Variants in CNTNAP5 observed in about 807,000 individuals in gnomAD.
CNTNAP5 encodes the protein contactin associated protein family member 5, also known as contactin-associated protein-like 5.
CNTNAP5 carries 72 observed loss-of-function variants against 150.2 expected under a neutral mutation model. The observed-to-expected ratio is 0.48, with a 90% confidence interval of 0.40 to 0.58. The LOEUF (loss-of-function observed/expected upper bound fraction) is 0.58, where lower values mean the gene tolerates loss of function less well. Ranked by LOEUF, CNTNAP5 falls within the 20% of genes least tolerant of loss-of-function variation. The pLI, the probability that CNTNAP5 is intolerant of heterozygous loss-of-function variation, is 0.00. For missense variants in CNTNAP5, 1,636 were observed against 1,626.2 expected, an observed-to-expected ratio of 1.01 and a Z score of -0.10; for synonymous variants, 672 against 619.8, an observed-to-expected ratio of 1.08 and a Z score of -1.25.
At chr2:124,499,589 T>C (rs1367456463) in intron 7 of CNTNAP5, among the ~76,000 whole-genome samples, 1 of 152,210 alleles carries the variant, frequency 6.6e-6, no homozygotes, top group Non-Finnish European at 1.5e-5. Context: ...AGGGACACAA[T>C]CCAAGGGAGG....
At chr2:124,302,131 A>G (rs1375794582) in intron 3 of CNTNAP5, among the ~76,000 whole-genome samples, 1 of 152,166 alleles carries the variant, frequency 6.6e-6, no homozygotes, top group Non-Finnish European at 1.5e-5. Flanking sequence ...AACAGCTAGA[A>G]CTTTGATCTG....
chr2:124,892,917 A>G (rs1678228703), intron 21 of CNTNAP5, among the ~76,000 whole-genome samples: 2 of 152,136 alleles, frequency 1.3e-5, no homozygotes, highest in Admixed American at 6.6e-5. Flanking sequence ...GTAAGCGATC[A>G]TCACGCATTA....
At chr2:124,033,233 TAGAA>T (rs1681113113) in intron 1 of CNTNAP5, among the ~76,000 whole-genome samples, 1 of 152,316 alleles carries the variant, frequency 6.6e-6, no homozygotes, top group East Asian at 1.9e-4. Flanking sequence ...ATGTTGAAGA[TAGAA>T]AGAAAGTGAA....
At position 124,874,514 on chromosome 2, in the gene CNTNAP5, T is replaced by C. The variant is rs367622375; in HGVS notation, c.3436+4752T>C. ...CTTCTGAAAGAAACTCTGCCTTTTT[T>C]GTTTTTAATTTATTTTTTTTCTGGT... On this transcript the variant is annotated intron_variant, in intron 21 of 23. Coordinates refer to ENST00000682447, the MANE Select transcript of CNTNAP5 (RefSeq NM_001367498.1). Among the ~76,000 whole-genome samples, 43 of 152,236 alleles carry C rather than the reference T, an allele frequency of 2.8e-4. 1 individual carries two copies. Among genetic ancestry groups the C allele is most frequent in the Middle Eastern group, 3.4e-3 (1 of 294 alleles).
At chr2:124,102,992 T>C (rs2104698331) in intron 1 of CNTNAP5, among the ~76,000 whole-genome samples, 1 of 152,268 alleles carries the variant, frequency 6.6e-6, no homozygotes, top group Non-Finnish European at 1.5e-5. Context: ...CATCACAACA[T>C]TACAGCGAAT....
chr2:124,425,563 G>C (rs1331218984), intron 4 of CNTNAP5, among the ~76,000 whole-genome samples: 1 of 152,112 alleles, frequency 6.6e-6, no homozygotes, highest in African/African-American at 2.4e-5. Flanking sequence ...TTAGTGGAGT[G>C]ATCACTATCT....
intron 1 of CNTNAP5, among the ~76,000 whole-genome samples, chr2:124,109,359 G>T (rs937881481): frequency 2.0e-5 from 3 of 152,032 alleles, no homozygotes; most frequent in Non-Finnish European, 2.9e-5. Flanking sequence ...CGAGGCCCAG[G>T]CACACACACA....
At chr2:124,814,805 T>C (rs1366594787) in intron 19 of CNTNAP5, among the ~76,000 whole-genome samples, 2 of 152,146 alleles carry the variant, frequency 1.3e-5, no homozygotes, top group African/African-American at 4.8e-5. Flanking sequence ...TATTTCTAAT[T>C]TTGATAGATA....
At chr2:124,623,219 A>G (rs1479878661) in intron 12 of CNTNAP5, among the ~76,000 whole-genome samples, 1 of 152,164 alleles carries the variant, frequency 6.6e-6, no homozygotes, top group Non-Finnish European at 1.5e-5. Context: ...TTATAATCTC[A>G]TGTCCTTGTG....
intron 22 of CNTNAP5, among the ~76,000 whole-genome samples, chr2:124,909,957 C>T (rs1387683292): frequency 2.0e-5 from 3 of 150,700 alleles, no homozygotes; most frequent in African/African-American, 7.3e-5. Flanking sequence ...CCACCAGACC[C>T]ACCTTATCAA....
At chr2:124,354,364 A>G (rs1689947871) in intron 3 of CNTNAP5, among the ~76,000 whole-genome samples, 1 of 152,188 alleles carries the variant, frequency 6.6e-6, no homozygotes, top group Admixed American at 6.5e-5. Context: ...ATCTCCAAAA[A>G]CAACGAAAAA....
chr2:124,644,346 A>T (rs911335822), intron 12 of CNTNAP5, among the ~76,000 whole-genome samples: 6 of 152,200 alleles, frequency 3.9e-5, no homozygotes, highest in African/African-American at 1.4e-4. Flanking sequence ...AAATCTACAC[A>T]ACCACCAATG....
At chr2:124,235,487 G>A (rs369994110) in intron 2 of CNTNAP5, among the ~76,000 whole-genome samples, 1 of 151,930 alleles carries the variant, frequency 6.6e-6, no homozygotes, top group Non-Finnish European at 1.5e-5. Context: ...ACCTGACCAA[G>A]TTGGTGTATA....
At chr2:124,074,644 T>C (rs1682393525) in intron 1 of CNTNAP5, among the ~76,000 whole-genome samples, 1 of 152,088 alleles carries the variant, frequency 6.6e-6, no homozygotes, top group South Asian at 2.1e-4. Context: ...GTCATGGGTA[T>C]TGACTCCTAG....
At chr2:124,343,466 A>G (rs1457393098) in intron 3 of CNTNAP5, among the ~76,000 whole-genome samples, 1 of 152,172 alleles carries the variant, frequency 6.6e-6, no homozygotes, top group Non-Finnish European at 1.5e-5. Context: ...TGGGGGTCGA[A>G]GTACTTTTAT....
At chr2:124,643,059 T>A (rs1314584550) in intron 12 of CNTNAP5, among the ~76,000 whole-genome samples, 1 of 152,198 alleles carries the variant, frequency 6.6e-6, no homozygotes, top group Non-Finnish European at 1.5e-5. Context: ...GCCAACCCAC[T>A]GTGCTGAATG....
chr2:124,694,743 A>G (rs1043412884), intron 13 of CNTNAP5, among the ~76,000 whole-genome samples: 1 of 152,180 alleles, frequency 6.6e-6, no homozygotes, highest in Non-Finnish European at 1.5e-5. Context: ...CCACATGGGC[A>G]TTTTATTCTC....
At position 124,412,953 on chromosome 2, in the gene CNTNAP5, A is replaced by G. The variant is rs562159720; in HGVS notation, c.382-4490A>G. On this transcript the variant is annotated intron_variant, in intron 3 of 23. Coordinates refer to ENST00000682447, the MANE Select transcript of CNTNAP5 (RefSeq NM_001367498.1). ...TCAGAGTGAACAGACAACCTAAAAA[A>G]TGGGAGAAAATTTTCGCAACCTACT... Among the ~76,000 whole-genome samples the G allele has an allele frequency of 3.4e-5, 3 of 88,764 alleles. No individual in the cohort carries two copies. The Admixed American group carries it at 4.0e-4, about 12-fold the overall frequency. 58.2% of individuals were successfully genotyped at this position (88,764 alleles called of 152,430 possible).
intron 19 of CNTNAP5, among the ~76,000 whole-genome samples, chr2:124,807,722 T>C (rs750721398): frequency 2.6e-5 from 4 of 152,228 alleles, no homozygotes; most frequent in Non-Finnish European, 5.9e-5. Context: ...TCAAGGAACC[T>C]GCCATGTTTT....
Sources: gnomAD v4.1 joint callset for allele counts (sites outside exome capture counted in the v4.1 genomes callset) on GRCh38, gnomAD v4.1.1 for gene constraint, MANE v1.5 for transcripts, NCBI Gene and HGNC (gene_info 2026-07-23, HGNC 2026-07-21) for gene names.